The following MIA2 variants were observed in gnomAD, a reference collection of about 807,000 sequenced individuals.
MIA2 encodes melanoma inhibitory activity protein 2.
Under a neutral mutation model 167.8 loss-of-function variants are expected in MIA2, and 127 were observed. The ratio of observed to expected loss-of-function variants is 0.76; its 90% CI spans 0.66 to 0.88. The LOEUF is 0.88. MIA2 is among the 40% of genes least tolerant of loss of function. The probability of loss-of-function intolerance (pLI) is 0.00; values close to 1 mark genes in which losing one functional copy is unlikely to be tolerated. For synonymous variants in MIA2, 552 were observed against 541.9 expected (o/e 1.02, Z -0.26); for missense variants, 1,690 against 1,624.7 (o/e 1.04, Z -0.69).
Position 39,320,611 on chromosome 14 carries a change from T to C in MIA2, c.3368-317T>C, listed in dbSNP as rs545606057. Among the ~76,000 whole-genome samples, 6 of 152,324 alleles carry C rather than the reference T, an allele frequency of 3.9e-5. No homozygotes were observed. The South Asian group carries it at 1.0e-3, about 26-fold the overall frequency. On this transcript the variant is annotated intron_variant, in intron 23 of 28. Coordinates refer to ENST00000640607, the MANE Select transcript of MIA2 (RefSeq NM_001329214.4). ...AACAAACCAAAAAAAAATCTAACTT[T>C]ATGCTCCTATAACTCTAAGATATAT...
At position 39,315,370 on chromosome 14, in the gene MIA2, A is replaced by G. The variant is rs370180439; in HGVS notation, c.3181-313A>G. The G allele has an allele frequency of 2.6e-3, 572 of 220,024 alleles. 4 individuals carry two copies. Among genetic ancestry groups the G allele is most frequent in the African/African-American group, 5.7e-3 (253 of 44,280 alleles). The allele number at this position is 220,024 out of a possible 1,614,324, so 13.6% of individuals were successfully genotyped here. A position where few individuals can be genotyped will look rare whatever the true frequency, so the allele number is the denominator to read the frequency against. On this transcript the variant is annotated intron_variant, in intron 20 of 28. Transcript: ENST00000640607. ...CTGCTGCTTTGGGAAGGTAGATTGCATCACATAAATGTGTATCAACAGTGG... is the reference window on the plus strand; with the variant it reads ...CTGCTGCTTTGGGAAGGTAGATTGCGTCACATAAATGTGTATCAACAGTGG...
At position 39,292,505 on chromosome 14, in the gene MIA2, A is replaced by G. The variant is rs190646588; in HGVS notation, c.2209-766A>G. On this transcript the variant is annotated intron_variant, in intron 10 of 28. Transcript: ENST00000640607. Reference sequence around the variant, plus strand: ...TAGCTGAATCTGTAGATAAAATCAAACCAGTAGAGTAATTTTCATTCGGGT... The same window carrying G: ...TAGCTGAATCTGTAGATAAAATCAAGCCAGTAGAGTAATTTTCATTCGGGT... Among the ~76,000 whole-genome samples, 210 of 152,336 alleles carry G rather than the reference A, an allele frequency of 1.4e-3. 1 individual carries two copies. The highest frequency in any genetic ancestry group is 3.3e-3 in the Admixed American group (51 of 15,306).
At chr14:39,325,614 G>A (rs549959284) in intron 24 of MIA2, among the ~76,000 whole-genome samples, 23 of 151,698 alleles carry the variant, frequency 1.5e-4, no homozygotes, top group Admixed American at 6.6e-4. Context: ...TGACCCGCCC[G>A]CCTTGACCTC....
intron 23 of MIA2, among the ~76,000 whole-genome samples, chr14:39,375,719 T>G (rs1487641371): frequency 2.6e-5 from 4 of 151,854 alleles, no homozygotes; most frequent in Admixed American, 1.3e-4. Flanking sequence ...AAAACAAAAT[T>G]GTGGATCCAG....
chr14:39,375,980 G>A (rs185234789), intron 23 of MIA2, among the ~76,000 whole-genome samples: 3 of 152,140 alleles, frequency 2.0e-5, no homozygotes, highest in Admixed American at 2.0e-4. Context: ...TTTAGACAGG[G>A]CCTGGCTCTG....
chr14:39,294,614 T>C (rs1319804426), intron 12 of MIA2, among the ~76,000 whole-genome samples: 1 of 152,032 alleles, frequency 6.6e-6, no homozygotes, highest in Non-Finnish European at 1.5e-5. Flanking sequence ...TTAACATTAA[T>C]AGACAAAAAA....
At position 39,314,808 on chromosome 14, in the gene MIA2, A is replaced by ATGTGTGTGTGTGTG. The variant is rs554677567; in HGVS notation, c.3180+10_3180+11insGTGTGTGTGTGTGT. On this transcript the variant is annotated intron_variant, in intron 20 of 28. Coordinates refer to ENST00000640607, the MANE Select transcript of MIA2 (RefSeq NM_001329214.4). Reference sequence around the variant, plus strand: ...ATTCTTATCAAGGGCAGGTATATATATATGTGTGTGTGTGTGTGTGTGTGT... The same window carrying ATGTGTGTGTGTGTG: ...ATTCTTATCAAGGGCAGGTATATATATGTGTGTGTGTGTGTATGTGTGTGTGTGTGTGTGTGTGT... 4.9e-3 allele frequency: 5,389 copies of ATGTGTGTGTGTGTG among 1,090,112 alleles called. 78 individuals carry two copies. The highest frequency in any genetic ancestry group is 0.014 in the Admixed American group (628 of 44,848). 67.5% of individuals were successfully genotyped at this position (1,090,112 alleles called of 1,614,324 possible).
At chr14:39,385,976 C>A in intron 23 of MIA2, 1 of 835,618 alleles carries the variant, frequency 1.2e-6, no homozygotes, top group South Asian at 1.5e-5. Flanking sequence ...TGTCCGCCAC[C>A]ATTTGAGCAA....
At position 39,281,263 on chromosome 14, in the gene MIA2, C is replaced by T. The variant is rs139675782; in HGVS notation, c.2130+1726C>T. The stretch of plus-strand genomic sequence containing the variant: ...GAAACACTCTTGATTGTTACTTTTC[C>T]ACATATTGTTTTTGCCCTTTTTTGT... On this transcript the variant is annotated intron_variant, in intron 9 of 28. Coordinates refer to ENST00000640607, the MANE Select transcript of MIA2 (RefSeq NM_001329214.4). Among the ~76,000 whole-genome samples, 774 of 152,098 alleles carry T rather than the reference C, an allele frequency of 5.1e-3. 9 individuals carry two copies. The Middle Eastern group carries it at 0.061, about 12-fold the overall frequency.
intron 9 of MIA2, among the ~76,000 whole-genome samples, chr14:39,288,459 A>ATTTTTTTT (rs1566747774): frequency 5.8e-4 from 10 of 17,282 alleles, no homozygotes; most frequent in Admixed American, 1.7e-3. Context: ...ATATATATAT[A>ATTTTTTTT]TATATATATA....
intron 23 of MIA2, among the ~76,000 whole-genome samples, chr14:39,380,512 G>C (rs1295671829): frequency 2.6e-5 from 4 of 151,938 alleles, no homozygotes; most frequent in Middle Eastern, 3.2e-3. Flanking sequence ...GGCCAACATG[G>C]TGAAACCCTA....
In MIA2 at chr14:39,266,410, GGAA is replaced by G. The variant is rs551256905; in HGVS notation, c.1888-10523_1888-10521del. 202 of 985,414 alleles carry G rather than the reference GGAA, an allele frequency of 2.0e-4. 1 individual carries two copies. The African/African-American group carries it at 3.3e-3, about 16-fold the overall frequency. 61.0% of individuals were successfully genotyped at this position (985,414 alleles called of 1,614,324 possible). On this transcript the variant is annotated intron_variant, in intron 6 of 28. Transcript: ENST00000640607. ...GCTACTTTTAGCTCCTCTTCTCGGA[GGAA>G]AACAGCACGCACCGCGCCAGGCCAA...
intron 4 of MIA2, among the ~76,000 whole-genome samples, chr14:39,248,588 T>C (rs2054413093): frequency 6.6e-6 from 1 of 152,200 alleles, no homozygotes; most frequent in African/African-American, 2.4e-5. Context: ...ATCTTTATAC[T>C]GTCCTGCTTT....
In MIA2 at chr14:39,290,325, T is replaced by C. The variant is rs115173496; in HGVS notation, c.2131-694T>C. On this transcript the variant is annotated intron_variant, in intron 9 of 28. Transcript: ENST00000640607. ...GCTCTCTGAGGCTTTCAGACAGATA[T>C]ATATTTTTTTTTTTGGTATTTTTTG... Among the ~76,000 whole-genome samples the C allele has an allele frequency of 7.8e-3, 1,191 of 151,738 alleles. 14 individuals carry two copies. The highest frequency in any genetic ancestry group is 0.026 in the African/African-American group (1,075 of 41,074).
chr14:39,331,310 A>G (rs2068820204), intron 25 of MIA2, among the ~76,000 whole-genome samples: 2 of 152,106 alleles, frequency 1.3e-5, no homozygotes, highest in Non-Finnish European at 1.5e-5. Flanking sequence ...TTTGCTTGGT[A>G]AATCTTCCTC....
At chr14:39,293,815 A>T (rs2061047774) in intron 11 of MIA2, among the ~76,000 whole-genome samples, 185 bp from the exon 12 acceptor site, 1 of 152,200 alleles carries the variant, frequency 6.6e-6, no homozygotes, top group Non-Finnish European at 1.5e-5. Context: ...AAGTTATGAG[A>T]TACTATTGTT....
chr14:39,297,687 G>GTGTGTGTGTT (rs2061624080), intron 13 of MIA2, among the ~76,000 whole-genome samples: 1 of 151,684 alleles, frequency 6.6e-6, no homozygotes, highest in South Asian at 2.1e-4. Flanking sequence ...GTGTGTGTGT[G>GTGTGTGTGTT]TGTGTGTGTG....
intron 9 of MIA2, among the ~76,000 whole-genome samples, chr14:39,282,476 T>TA (rs1359741272): frequency 1.3e-5 from 2 of 152,212 alleles, no homozygotes; most frequent in African/African-American, 4.8e-5. Flanking sequence ...AGGGCAGCTA[T>TA]AATGTACTCA....
At chr14:39,241,089 T>C (rs767611790) in intron 3 of MIA2, among the ~76,000 whole-genome samples, 2 of 152,246 alleles carry the variant, frequency 1.3e-5, no homozygotes, top group Non-Finnish European at 2.9e-5. Flanking sequence ...AAGTGTTATA[T>C]ATTATTACTA....
Sources: allele counts gnomAD v4.1 joint callset (sites outside exome capture counted in the v4.1 genomes callset), GRCh38; gene constraint gnomAD v4.1.1; transcripts MANE v1.5; gene names NCBI Gene and HGNC (gene_info 2026-07-23, HGNC 2026-07-21).